RGS5: variants seen among roughly 807,000 people sequenced by gnomAD.
RGS5 encodes regulator of G protein signaling 5.
Under a neutral mutation model 18.9 loss-of-function variants are expected in RGS5, and 20 were observed. The ratio of observed to expected loss-of-function variants is 1.06; its 90% CI spans 0.74 to 1.54. RGS5 has a LOEUF of 1.54. Ranked by LOEUF, RGS5 falls within the 40% of genes most tolerant of loss-of-function variation. The probability of loss-of-function intolerance (pLI) is 0.00; values close to 1 mark genes in which losing one functional copy is unlikely to be tolerated. For missense variants in RGS5, 201 were observed against 211.8 expected, an observed-to-expected ratio of 0.95 and a Z score of 0.32; for synonymous variants, 57 against 76.2, an observed-to-expected ratio of 0.75 and a Z score of 1.31.
intron 2 of RGS5, among the ~76,000 whole-genome samples, chr1:163,231,703 C>T (rs970375386): frequency 4.8e-5 from 7 of 145,214 alleles, no homozygotes; most frequent in Admixed American, 1.4e-4. Context: ...ACCATTTATG[C>T]TTATTAGTCC....
chr1:163,173,354 TCACATTAGTGATTC>T (rs1658390504), intron 1 of RGS5, among the ~76,000 whole-genome samples: 1 of 152,252 alleles, frequency 6.6e-6, no homozygotes, highest in Non-Finnish European at 1.5e-5. Context: ...TCTAGATGAC[TCACATTAGTGATTC>T]CAAACTGAAA....
At chr1:163,303,603 C>T (rs1649620664) in intron 2 of RGS5, among the ~76,000 whole-genome samples, 1 of 152,204 alleles carries the variant, frequency 6.6e-6, no homozygotes, top group Non-Finnish European at 1.5e-5. Flanking sequence ...TTTGCTCATT[C>T]ACTCATTTGA....
upstream of RGS5, among the ~76,000 whole-genome samples, chr1:163,205,643 T>C (rs2101665755): frequency 6.6e-6 from 1 of 152,224 alleles, no homozygotes; most frequent in East Asian, 1.9e-4. Context: ...GATATCCATC[T>C]GCCCTGGAGG....
chr1:163,257,319 T>C (rs1165365508), intron 2 of RGS5, among the ~76,000 whole-genome samples: 3 of 152,048 alleles, frequency 2.0e-5, no homozygotes, highest in Admixed American at 6.5e-5. Flanking sequence ...AAAGACTTCA[T>C]AGCCAAAGAG....
intron 3 of RGS5, among the ~76,000 whole-genome samples, chr1:163,156,175 T>C (rs1270971296): frequency 6.6e-6 from 1 of 152,156 alleles, no homozygotes; most frequent in African/African-American, 2.4e-5. Context: ...TGGTTAAAAA[T>C]TATATTACTG....
At chr1:163,209,985 TG>T (rs1299320873) in intron 1 of RGS5, among the ~76,000 whole-genome samples, 6 of 152,110 alleles carry the variant, frequency 3.9e-5, no homozygotes, top group African/African-American at 1.4e-4. Flanking sequence ...TTTTTCTGTA[TG>T]TCTTTATTCT....
rs1372181123 is a variant in RGS5 at position 163,146,893 on chromosome 1, G to A, written c.*449C>T. The A allele has an allele frequency of 6.6e-6, 1 of 152,462 alleles. No individual in the cohort carries two copies. Among genetic ancestry groups the A allele is most frequent in the African/African-American group, 2.4e-5 (1 of 41,468 alleles). 9.4% of individuals were successfully genotyped at this position (152,462 alleles called of 1,614,324 possible). Reference sequence around the variant, plus strand: ...TATTAACCAAGTTCAGAAATAATTAGAGGGGTGATCTCCCTGGATCAGAAC... The same window carrying A: ...TATTAACCAAGTTCAGAAATAATTAAAGGGGTGATCTCCCTGGATCAGAAC... On this transcript the variant is annotated 3_prime_UTR_variant, in exon 5 of 5. Transcript: ENST00000313961.
At chr1:163,311,003 GA>G (rs1247033129) in intron 1 of RGS5, among the ~76,000 whole-genome samples, 13 of 152,092 alleles carry the variant, frequency 8.5e-5, no homozygotes, top group African/African-American at 2.7e-4. Flanking sequence ...CAGAAGGGGG[GA>G]AATCACCCCA....
chr1:163,243,587 C>A (rs1461937256), intron 2 of RGS5, among the ~76,000 whole-genome samples: 1 of 141,460 alleles, frequency 7.1e-6, no homozygotes, highest in Admixed American at 7.7e-5. Flanking sequence ...GCGGAGCTTG[C>A]AGCCAGAGAT....
At chr1:163,249,921 T>C (rs1425280681) in intron 2 of RGS5, among the ~76,000 whole-genome samples, 2 of 152,216 alleles carry the variant, frequency 1.3e-5, no homozygotes, top group African/African-American at 4.8e-5. Context: ...CTAGTTATGA[T>C]TCTCATCTAT....
upstream of RGS5, among the ~76,000 whole-genome samples, chr1:163,205,191 A>G (rs1028126373): frequency 6.6e-6 from 1 of 152,100 alleles, no homozygotes; most frequent in Non-Finnish European, 1.5e-5. Flanking sequence ...TTCCTATTCA[A>G]TAAAGTTTCA....
chr1:163,310,574 CAAAAAAAAAA>C (rs36115669), intron 1 of RGS5, among the ~76,000 whole-genome samples: 1 of 63,612 alleles, frequency 1.6e-5, no homozygotes, highest in Non-Finnish European at 3.0e-5. Flanking sequence ...GACTCCGTCT[CAAAAAAAAAA>C]AAAAAAAAAA....
At chr1:163,278,836 A>T (rs1428752579) in intron 2 of RGS5, among the ~76,000 whole-genome samples, 3 of 152,118 alleles carry the variant, frequency 2.0e-5, no homozygotes, top group Non-Finnish European at 4.4e-5. Context: ...ACATAGACTG[A>T]AAGTGAAGGA....
intron 2 of RGS5, among the ~76,000 whole-genome samples, chr1:163,245,707 T>C (rs888435206): frequency 4.6e-5 from 7 of 152,236 alleles, no homozygotes; most frequent in Non-Finnish European, 1.0e-4. Context: ...AAAATGGGTA[T>C]AATAATACCA....
intron 2 of RGS5, among the ~76,000 whole-genome samples, chr1:163,292,721 T>G (rs1641132423): frequency 6.6e-6 from 1 of 152,256 alleles, no homozygotes; most frequent in African/African-American, 2.4e-5. Flanking sequence ...CTGACTGGTG[T>G]GAGATGGTAT....
intron 2 of RGS5, among the ~76,000 whole-genome samples, chr1:163,164,229 A>T (rs1007617154): frequency 2.0e-5 from 3 of 152,186 alleles, no homozygotes; most frequent in Non-Finnish European, 2.9e-5. Flanking sequence ...GTCTGACTTC[A>T]TTGGAAACAA....
rs768584735 is a variant in RGS5, at chr1:163,147,257, T to A, written c.*85A>T. 2 of 1,402,866 alleles carry A rather than the reference T, an allele frequency of 1.4e-6. No individual in the cohort carries two copies. Among genetic ancestry groups the A allele is most frequent in the Non-Finnish European group, 1.9e-6 (2 of 1,046,586 alleles). The allele number at this position is 1,402,866 out of a possible 1,614,324, so 86.9% of individuals were successfully genotyped here. A position where few individuals can be genotyped will look rare whatever the true frequency, so the allele number is the denominator to read the frequency against. ...TGGGTATCACTGAGCAAAGCTGCTG[T>A]GGGAAGATATGTAGATTAATGGGAA... On this transcript the variant is annotated 3_prime_UTR_variant, in exon 5 of 5. Coordinates refer to ENST00000313961, the MANE Select transcript of RGS5 (RefSeq NM_003617.4).
At chr1:163,169,170 G>T (rs1402693851) in intron 1 of RGS5, among the ~76,000 whole-genome samples, 1 of 151,988 alleles carries the variant, frequency 6.6e-6, no homozygotes, top group Non-Finnish European at 1.5e-5. Flanking sequence ...GCTTCATCCA[G>T]GTCCCTACAA....
intron 1 of RGS5, among the ~76,000 whole-genome samples, chr1:163,170,415 T>C (rs1189916372): frequency 1.3e-5 from 2 of 152,340 alleles, no homozygotes; most frequent in African/African-American, 2.4e-5. Flanking sequence ...CAGTCAATGC[T>C]AATCATAACC....
Sources: allele counts gnomAD v4.1 joint callset (sites outside exome capture counted in the v4.1 genomes callset), GRCh38; gene constraint gnomAD v4.1.1; transcripts MANE v1.5; gene names NCBI Gene and HGNC (gene_info 2026-07-23, HGNC 2026-07-21).